Variants in RNGTT observed in about 807,000 individuals in gnomAD.
RNGTT encodes the protein mRNA-capping enzyme.
Under a neutral mutation model 79.3 loss-of-function variants are expected in RNGTT, and 33 were observed. The ratio of observed to expected loss-of-function variants is 0.42; its 90% CI spans 0.32 to 0.56. The LOEUF (loss-of-function observed/expected upper bound fraction) is 0.56, where lower values mean the gene tolerates loss of function less well. Ranked by LOEUF, RNGTT falls within the 20% of genes least tolerant of loss-of-function variation. The probability of loss-of-function intolerance (pLI) is 0.17; values close to 1 mark genes in which losing one functional copy is unlikely to be tolerated. For missense variants in RNGTT, 497 were observed against 739.1 expected (o/e 0.67, Z 3.80); for synonymous variants, 222 against 235.9 (o/e 0.94, Z 0.54).
In RNGTT at chr6:88,891,388, G is replaced by C. The variant is rs73498475; in HGVS notation, c.794+418C>G. Among the ~76,000 whole-genome samples, 452 of 152,200 alleles carry C rather than the reference G, an allele frequency of 3.0e-3. 1 individual carries two copies. Among genetic ancestry groups the C allele is most frequent in the African/African-American group, 0.01 (434 of 41,552 alleles). On this transcript the variant is annotated intron_variant, in intron 7 of 15. Coordinates refer to ENST00000369485, the MANE Select transcript of RNGTT (RefSeq NM_003800.5). Reference sequence around the variant, plus strand: ...TGCTCTCCTGAATCCACTACGAAATGTCTGAAAGATATTTTCAAGTCATGG... The same window carrying C: ...TGCTCTCCTGAATCCACTACGAAATCTCTGAAAGATATTTTCAAGTCATGG...
chr6:88,654,379 T>C (rs1240248609), intron 14 of RNGTT, among the ~76,000 whole-genome samples: 1 of 152,140 alleles, frequency 6.6e-6, no homozygotes, highest in African/African-American at 2.4e-5. Context: ...TCTCTCAAGT[T>C]TTCACCTACC....
At chr6:88,952,461 G>A (rs1785283033) in intron 1 of RNGTT, among the ~76,000 whole-genome samples, 1 of 152,226 alleles carries the variant, frequency 6.6e-6, no homozygotes, top group Non-Finnish European at 1.5e-5. Context: ...TAGCACCACA[G>A]CTAGTGCTCT....
At chr6:88,893,176 C>T (rs1408712617) in intron 6 of RNGTT, among the ~76,000 whole-genome samples, 1 of 152,040 alleles carries the variant, frequency 6.6e-6, no homozygotes, top group East Asian at 1.9e-4. Flanking sequence ...AGGTTTGTAA[C>T]ATATTTACTT....
intron 11 of RNGTT, among the ~76,000 whole-genome samples, chr6:88,816,634 T>C (rs1780322365): frequency 6.6e-6 from 1 of 152,276 alleles, no homozygotes; most frequent in Admixed American, 6.5e-5. Flanking sequence ...ACACCACCAA[T>C]TTAAATTTAT....
At chr6:88,800,607 T>G (rs934955468) in intron 12 of RNGTT, among the ~76,000 whole-genome samples, 4 of 152,208 alleles carry the variant, frequency 2.6e-5, no homozygotes, top group Admixed American at 1.3e-4. Flanking sequence ...CTCTCATACT[T>G]GAACATGCAT....
intron 6 of RNGTT, among the ~76,000 whole-genome samples, chr6:88,903,559 A>C (rs764601822): frequency 1.3e-5 from 2 of 152,246 alleles, no homozygotes; most frequent in East Asian, 3.8e-4. Context: ...GTTTCGAAGC[A>C]ATTTACACTT....
chr6:88,798,252 C>T (rs978050443), intron 12 of RNGTT, among the ~76,000 whole-genome samples: 1 of 151,988 alleles, frequency 6.6e-6, no homozygotes, highest in South Asian at 2.1e-4. Context: ...ATTGCTTGAG[C>T]TCAGGAGCTT....
At chr6:88,648,376 T>C (rs568282929) in intron 14 of RNGTT, among the ~76,000 whole-genome samples, 2 of 152,162 alleles carry the variant, frequency 1.3e-5, no homozygotes, top group Admixed American at 6.5e-5. Context: ...ACATATTAAA[T>C]GACGAGTTAA....
intron 4 of RNGTT, among the ~76,000 whole-genome samples, chr6:88,910,062 G>T (rs1783782847): frequency 6.6e-6 from 1 of 151,946 alleles, no homozygotes; most frequent in Non-Finnish European, 1.5e-5. Context: ...CAAGAACTCT[G>T]GCAATTCAAA....
At chr6:88,931,187 T>TAAAAAAAAAAAAAAAAAAAAAAAA (rs34070183) in intron 2 of RNGTT, among the ~76,000 whole-genome samples, 2 of 101,938 alleles carry the variant, frequency 2.0e-5, no homozygotes, top group Non-Finnish European at 3.8e-5. Flanking sequence ...TATAAAGCTG[T>TAAAAAAAAAAAAAAAAAAAAAAAA]AAAAAAAAAA....
intron 11 of RNGTT, among the ~76,000 whole-genome samples, chr6:88,831,110 C>G (rs555686593): frequency 5.3e-5 from 8 of 152,260 alleles, no homozygotes; most frequent in African/African-American, 1.9e-4. Flanking sequence ...CATCCTGATA[C>G]CAAAAACTGG....
At chr6:88,808,943 T>G (rs1452095456) in intron 11 of RNGTT, among the ~76,000 whole-genome samples, 1 of 150,500 alleles carries the variant, frequency 6.6e-6, no homozygotes, top group Non-Finnish European at 1.5e-5. Context: ...AGTGACAGAG[T>G]GAGATCCCTC....
intron 13 of RNGTT, among the ~76,000 whole-genome samples, chr6:88,701,347 A>G (rs1380568407): frequency 1.3e-5 from 2 of 152,066 alleles, no homozygotes; most frequent in African/African-American, 2.4e-5. Flanking sequence ...CCAACTTCTG[A>G]TAACTAATTA....
intron 14 of RNGTT, among the ~76,000 whole-genome samples, chr6:88,629,170 G>A (rs1434203159): frequency 6.6e-6 from 1 of 152,162 alleles, no homozygotes; most frequent in East Asian, 1.9e-4. Context: ...AAAGTTCTAA[G>A]TGTCCTAAAC....
intron 14 of RNGTT, among the ~76,000 whole-genome samples, chr6:88,651,492 T>A (rs1773796007): frequency 6.6e-6 from 1 of 152,150 alleles, no homozygotes; most frequent in African/African-American, 2.4e-5. Flanking sequence ...TATTTTTCTA[T>A]TTGATAAAAG....
intron 11 of RNGTT, among the ~76,000 whole-genome samples, chr6:88,836,049 ATATATATATAAGATTTACATG>A (rs1221609124): frequency 1.6e-4 from 23 of 147,774 alleles, no homozygotes; most frequent in African/African-American, 5.7e-4. Flanking sequence ...TTACATATAT[ATATATATATAAGATTTACATG>A]TATATATAAG....
chr6:88,915,741 G>A (rs1783980151), intron 4 of RNGTT, among the ~76,000 whole-genome samples: 1 of 151,950 alleles, frequency 6.6e-6, no homozygotes, highest in African/African-American at 2.4e-5. Context: ...ATAACAACCT[G>A]CTCATGTTAC....
chr6:88,952,663 A>T (rs1785288970), intron 1 of RNGTT, among the ~76,000 whole-genome samples: 1 of 152,242 alleles, frequency 6.6e-6, no homozygotes, highest in Admixed American at 6.5e-5. Context: ...GCATTTGAGA[A>T]AGCCGACACA....
At chr6:88,831,758 G>C (rs368462596) in intron 11 of RNGTT, among the ~76,000 whole-genome samples, 1 of 152,002 alleles carries the variant, frequency 6.6e-6, no homozygotes, top group Admixed American at 6.6e-5. Flanking sequence ...ATACAAAATC[G>C]ATGCACAAAA....
Sources: allele counts gnomAD v4.1 joint callset (sites outside exome capture counted in the v4.1 genomes callset), GRCh38; gene constraint gnomAD v4.1.1; transcripts MANE v1.5; gene names NCBI Gene and HGNC (gene_info 2026-07-23, HGNC 2026-07-21).